The following KLHL32 variants were observed in gnomAD, a reference collection of about 807,000 sequenced individuals.
The protein encoded by KLHL32 is kelch like family member 32, also known as kelch-like protein 32.
KLHL32 carries 35 observed loss-of-function variants against 64.8 expected under a neutral mutation model. The observed-to-expected ratio is 0.54, with a 90% CI of 0.41 to 0.72. The LOEUF (loss-of-function observed/expected upper bound fraction) is 0.72. Ranked by LOEUF, KLHL32 falls within the 30% of genes least tolerant of loss-of-function variation. The pLI, the probability that KLHL32 is intolerant of heterozygous loss-of-function variation, is 0.00. For synonymous variants in KLHL32, 259 were observed against 281.0 expected, an observed-to-expected ratio of 0.92 and a Z score of 0.78; for missense variants, 589 against 768.5, an observed-to-expected ratio of 0.77 and a Z score of 2.76.
intron 6 of KLHL32, among the ~76,000 whole-genome samples, chr6:97,098,366 A>G (rs940174135): frequency 2.6e-5 from 4 of 152,006 alleles, no homozygotes; most frequent in African/African-American, 7.3e-5. Context: ...TGTTGTCTTC[A>G]TTATTTTTTT....
chr6:96,934,989 A>G (rs1299518693), intron 1 of KLHL32, among the ~76,000 whole-genome samples: 1 of 152,256 alleles, frequency 6.6e-6, no homozygotes, highest in Non-Finnish European at 1.5e-5. Flanking sequence ...GCTTTTGAAT[A>G]TTAGGCATTT....
At chr6:97,126,179 T>C (rs1345707329) in intron 7 of KLHL32, among the ~76,000 whole-genome samples, 2 of 152,162 alleles carry the variant, frequency 1.3e-5, no homozygotes, top group Non-Finnish European at 2.9e-5. Context: ...GCTGCTTCTT[T>C]GTGATACTGA....
At chr6:97,060,848 T>G (rs962126963) in intron 4 of KLHL32, among the ~76,000 whole-genome samples, 5 of 152,174 alleles carry the variant, frequency 3.3e-5, no homozygotes, top group Non-Finnish European at 7.3e-5. Context: ...CACACCATTC[T>G]GTGTCACCCT....
At chr6:96,960,059 C>T (rs766584010) in intron 1 of KLHL32, among the ~76,000 whole-genome samples, 26 of 152,110 alleles carry the variant, frequency 1.7e-4, no homozygotes, top group African/African-American at 6.3e-4. Context: ...AATTCCTTGA[C>T]CTCATTATGC....
intron 9 of KLHL32, among the ~76,000 whole-genome samples, chr6:97,131,582 A>G (rs865859141): frequency 1.3e-5 from 2 of 152,298 alleles, no homozygotes; most frequent in South Asian, 2.1e-4. Context: ...TATGGAGTGA[A>G]TAACTTTTCC....
At chr6:97,131,882 T>C (rs556706527) in intron 9 of KLHL32, among the ~76,000 whole-genome samples, 1 of 152,260 alleles carries the variant, frequency 6.6e-6, no homozygotes, top group East Asian at 1.9e-4. Flanking sequence ...AGGCCCTCGA[T>C]TCTGGATCTG....
chr6:97,034,876 T>A (rs533156408), intron 3 of KLHL32, among the ~76,000 whole-genome samples: 1 of 152,176 alleles, frequency 6.6e-6, no homozygotes, highest in African/African-American at 2.4e-5. Context: ...ACTCATTTAT[T>A]AGTTCTAACA....
chr6:96,995,242 A>G (rs1340442948), intron 3 of KLHL32, among the ~76,000 whole-genome samples: 2 of 152,190 alleles, frequency 1.3e-5, no homozygotes, highest in Non-Finnish European at 2.9e-5. Context: ...TGTTCTGCCT[A>G]GGTGTTACGG....
chr6:97,100,447 C>CAGT (rs1458110127), intron 6 of KLHL32, among the ~76,000 whole-genome samples: 1 of 152,222 alleles, frequency 6.6e-6, no homozygotes, highest in East Asian at 1.9e-4. Flanking sequence ...ATCCCCTTGA[C>CAGT]AGTAGAGTCT....
At chr6:96,995,658 G>T (rs188287937) in intron 3 of KLHL32, among the ~76,000 whole-genome samples, 30 of 152,208 alleles carry the variant, frequency 2.0e-4, no homozygotes, top group Non-Finnish European at 3.4e-4. Flanking sequence ...TCTCAGCTTT[G>T]CTAGTGACCA....
At chr6:96,927,650 C>T (rs1339481917) in intron 1 of KLHL32, among the ~76,000 whole-genome samples, 1 of 152,156 alleles carries the variant, frequency 6.6e-6, no homozygotes, top group African/African-American at 2.4e-5. Flanking sequence ...ATTTGAACAG[C>T]GACTTCTCAT....
chr6:97,097,607 G>A lies in KLHL32; in HGVS notation c.627+12266G>A, dbSNP rs569989254. On this transcript the variant is annotated intron_variant, in intron 6 of 10. Coordinates refer to ENST00000369261, the MANE Select transcript of KLHL32 (RefSeq NM_052904.4). ...TGCCCTGAGGAAGTTCTTTCACTCG[G>A]TGACCTTCACAGCAGCTTTCTCTGC... is the stretch of plus-strand genomic sequence containing the variant. Among the ~76,000 whole-genome samples the A allele has an allele frequency of 2.0e-3, 298 of 151,118 alleles. 1 individual carries two copies. Among genetic ancestry groups the A allele is most frequent in the Non-Finnish European group, 3.6e-3 (241 of 67,846 alleles).
At chr6:97,111,030 T>TG (rs374394888) in intron 6 of KLHL32, among the ~76,000 whole-genome samples, 2,756 of 142,782 alleles carry the variant, frequency 0.019, 63 homozygotes, top group African/African-American at 0.046. Flanking sequence ...AGAAAAGTCT[T>TG]GGGGGGGGGG....
rs754893009 is a variant in KLHL32 at position 97,113,750 on chromosome 6, T to C, written c.628-33T>C. ...GCTTTCTCTTTCTTTCTTACCTTTG[T>C]GTCTCCTCTCATCTCACTTCCCTCT... is the stretch of plus-strand genomic sequence containing the variant. On this transcript the variant is annotated intron_variant, in intron 6 of 10. Transcript: ENST00000369261. 8 of 1,595,604 alleles carry C rather than the reference T, an allele frequency of 5.0e-6. No individual in the cohort carries two copies. In the East Asian group the frequency reaches 1.8e-4, roughly 36 times the overall value.
intron 4 of KLHL32, among the ~76,000 whole-genome samples, chr6:97,052,187 A>G (rs1406313609): frequency 6.6e-6 from 1 of 152,216 alleles, no homozygotes; most frequent in Non-Finnish European, 1.5e-5. Context: ...AACCCTTCCA[A>G]AAGACATAAT....
intron 3 of KLHL32, among the ~76,000 whole-genome samples, chr6:97,016,736 G>T (rs1367859151): frequency 2.6e-5 from 4 of 152,164 alleles, no homozygotes; most frequent in African/African-American, 9.7e-5. Context: ...TATGGTTTGG[G>T]CTGTGTCCCC....
intron 1 of KLHL32, among the ~76,000 whole-genome samples, chr6:96,933,766 G>C (rs2127992632): frequency 6.6e-6 from 1 of 152,288 alleles, no homozygotes; most frequent in African/African-American, 2.4e-5. Flanking sequence ...GACAGTGCCA[G>C]GGTTAATAAG....
At chr6:97,069,260 A>G (rs1057276558) in intron 5 of KLHL32, among the ~76,000 whole-genome samples, 5 of 152,170 alleles carry the variant, frequency 3.3e-5, no homozygotes, top group African/African-American at 1.2e-4. Context: ...TTTACTCAGC[A>G]TCCCTTGTCT....
intron 6 of KLHL32, among the ~76,000 whole-genome samples, chr6:97,109,904 A>G (rs1247055476): frequency 6.6e-6 from 1 of 152,248 alleles, no homozygotes. Flanking sequence ...GAACAATAGC[A>G]AATATTACGT....
Sources: gnomAD v4.1 joint callset for allele counts (sites outside exome capture counted in the v4.1 genomes callset) on GRCh38, gnomAD v4.1.1 for gene constraint, MANE v1.5 for transcripts, NCBI Gene and HGNC (gene_info 2026-07-23, HGNC 2026-07-21) for gene names.